Variants in EFHB observed in about 807,000 individuals in gnomAD.
EFHB encodes EF-hand domain family member B.
EFHB carries 91 observed loss-of-function variants against 87.2 expected under a neutral mutation model. The ratio of observed to expected loss-of-function variants is 1.04; its 90% CI spans 0.88 to 1.24. EFHB has a LOEUF of 1.24. Ranked by LOEUF, EFHB falls within the 50% of genes most tolerant of loss-of-function variation. EFHB has a pLI of 0.00. For missense variants in EFHB, 1,084 were observed against 998.8 expected, an observed-to-expected ratio of 1.09 and a Z score of -1.15; for synonymous variants, 325 against 333.6, an observed-to-expected ratio of 0.97 and a Z score of 0.28.
At chr3:19,902,906 G>C (rs1397556559) in intron 6 of EFHB, among the ~76,000 whole-genome samples, 1 of 152,064 alleles carries the variant, frequency 6.6e-6, no homozygotes, top group African/African-American at 2.4e-5. Flanking sequence ...GCTGGGCACA[G>C]TGGCTCACGC....
rs73188439 is a variant in EFHB at position 19,892,264 on chromosome 3, C to T, written c.1726-3613G>A. Among the ~76,000 whole-genome samples, 1,198 of 152,274 alleles carry T rather than the reference C, an allele frequency of 7.9e-3. 11 individuals are homozygous for T. The highest frequency in any genetic ancestry group is 0.025 in the African/African-American group (1,032 of 41,562). ...TCAATGAAGCTTTCTTACTCCCTAC[C>T]GTCCATTGTCATATGGTATTATTGT... is the stretch of plus-strand genomic sequence containing the variant. On this transcript the variant is annotated intron_variant, in intron 9 of 12. Transcript: ENST00000295824.
At chr3:19,893,821 T>C (rs968002172) in intron 9 of EFHB, among the ~76,000 whole-genome samples, 4 of 152,190 alleles carry the variant, frequency 2.6e-5, no homozygotes, top group Admixed American at 2.0e-4. Context: ...AGACAGGAGG[T>C]TGGACTTACT....
intron 9 of EFHB, among the ~76,000 whole-genome samples, chr3:19,893,409 T>A (rs570209751): frequency 1.3e-5 from 2 of 152,236 alleles, no homozygotes; most frequent in African/African-American, 4.8e-5. Context: ...AAGGTGAAGT[T>A]ATAGCTACTG....
At chr3:19,936,849 C>T (rs967419181), upstream of EFHB, among the ~76,000 whole-genome samples, 3 of 149,528 alleles carry the variant, frequency 2.0e-5, no homozygotes, top group Non-Finnish European at 3.0e-5. Context: ...GCCTGGATGA[C>T]AAGAGCCAAA....
chr3:19,937,117 C>T (rs1043639334), upstream of EFHB, among the ~76,000 whole-genome samples: 2 of 151,402 alleles, frequency 1.3e-5, no homozygotes, highest in African/African-American at 2.4e-5. Flanking sequence ...TGCAGTGAGC[C>T]GAGATCGCAC....
rs749092761 is a variant in EFHB at position 19,933,674 on chromosome 3, ACT to A, written c.343_344del (p.Leu116SerfsTer7). Reference sequence around the variant, plus strand: ...GTTCATGGGTATATCCTGCAAGAAGACTCTCATTTTCTAACCCCATTCTTCCT... The same window carrying A: ...GTTCATGGGTATATCCTGCAAGAAGACTCATTTTCTAACCCCATTCTTCCT... ...LPGRMGLENE[S>X]LLAGYTHERI... On this transcript the variant is annotated frameshift_variant, in exon 1 of 13. Transcript: ENST00000295824. LOFTEE classifies it high-confidence loss of function. 4 of 1,613,474 alleles carry A rather than the reference ACT, an allele frequency of 2.5e-6. No individual in the cohort carries two copies. The highest frequency in any genetic ancestry group is 3.4e-6 in the Non-Finnish European group (4 of 1,179,816).
intron 1 of EFHB, among the ~76,000 whole-genome samples, chr3:19,928,341 A>T (rs1217571244): frequency 1.3e-5 from 2 of 152,268 alleles, no homozygotes; most frequent in Non-Finnish European, 2.9e-5. Flanking sequence ...GCAAACTGGA[A>T]ATGGATACAA....
At chr3:19,932,089 C>T (rs1339021427) in intron 1 of EFHB, among the ~76,000 whole-genome samples, 4 of 152,204 alleles carry the variant, frequency 2.6e-5, no homozygotes, top group Non-Finnish European at 5.9e-5. Flanking sequence ...GAGTCATCCA[C>T]CAACTTCCCT....
intron 6 of EFHB, among the ~76,000 whole-genome samples, chr3:19,903,744 G>A (rs1344589961): frequency 1.3e-5 from 2 of 152,118 alleles, no homozygotes; most frequent in Non-Finnish European, 2.9e-5. Context: ...AAAGAGGAAT[G>A]GAAATCATTT....
intron 12 of EFHB, among the ~76,000 whole-genome samples, chr3:19,880,899 A>G (rs1208134677): frequency 1.3e-5 from 2 of 151,912 alleles, no homozygotes; most frequent in Non-Finnish European, 2.9e-5. Context: ...AGCATTTACT[A>G]TGAAGCATTC....
intron 6 of EFHB, among the ~76,000 whole-genome samples, chr3:19,904,106 T>G (rs1265741187): frequency 2.6e-5 from 4 of 152,192 alleles, no homozygotes; most frequent in African/African-American, 9.7e-5. Flanking sequence ...TAAGTTTGTG[T>G]GCATGTTGGG....
intron 1 of EFHB, among the ~76,000 whole-genome samples, chr3:19,924,014 T>A (rs1695529347): frequency 6.6e-6 from 1 of 152,122 alleles, no homozygotes; most frequent in Non-Finnish European, 1.5e-5. Context: ...GGAGGACTGC[T>A]GGAGCCCAGG....
At chr3:19,889,648 C>T (rs1694236924) in intron 9 of EFHB, among the ~76,000 whole-genome samples, 1 of 152,170 alleles carries the variant, frequency 6.6e-6, no homozygotes, top group South Asian at 2.1e-4. Flanking sequence ...CTACTTAACC[C>T]TTGTATTCAA....
At chr3:19,905,489 AT>A in intron 6 of EFHB, 130 bp downstream of exon 6, 3 of 1,061,620 alleles carry the variant, frequency 2.8e-6, no homozygotes, top group Non-Finnish European at 4.0e-6. Flanking sequence ...TGTTTTTTCT[AT>A]TTTTTTCTAG....
At chr3:19,921,438 T>A (rs937795931) in intron 1 of EFHB, among the ~76,000 whole-genome samples, 1 of 152,088 alleles carries the variant, frequency 6.6e-6, no homozygotes, top group Non-Finnish European at 1.5e-5. Context: ...TAGTGTCTAA[T>A]GTTTTAATAT....
chr3:19,897,750 C>T (rs1378344769), intron 8 of EFHB, among the ~76,000 whole-genome samples: 2 of 152,152 alleles, frequency 1.3e-5, no homozygotes, highest in Non-Finnish European at 2.9e-5. Context: ...CCCTTACCCT[C>T]TTCAAAAGAT....
chr3:19,904,811 A>C (rs1021771030), intron 6 of EFHB, among the ~76,000 whole-genome samples: 5 of 152,168 alleles, frequency 3.3e-5, no homozygotes, highest in African/African-American at 1.2e-4. Context: ...CTTTTTGTGG[A>C]GGGCGGGGCG....
intron 1 of EFHB, among the ~76,000 whole-genome samples, chr3:19,923,481 TC>T (rs997938840): frequency 2.0e-5 from 3 of 152,132 alleles, no homozygotes; most frequent in Non-Finnish European, 4.4e-5. Flanking sequence ...TCTACCATCC[TC>T]CCACCTCAGC....
chr3:19,903,127 A>G (rs1240297465), intron 6 of EFHB, among the ~76,000 whole-genome samples: 31 of 151,960 alleles, frequency 2.0e-4, no homozygotes, highest in Admixed American at 2.0e-3. Flanking sequence ...CAGTGAGCCG[A>G]GATCATGCCA....
Sources: allele counts gnomAD v4.1 joint callset (sites outside exome capture counted in the v4.1 genomes callset), GRCh38; gene constraint gnomAD v4.1.1; transcripts MANE v1.5; gene names NCBI Gene and HGNC (gene_info 2026-07-23, HGNC 2026-07-21).